The following ARFIP1 variants were observed in gnomAD, a reference collection of about 807,000 sequenced individuals.
ARFIP1 encodes ARF interacting protein 1, also known as arfaptin-1.
In ARFIP1, 24 loss-of-function variants were observed where a neutral mutation model predicts 42.5. The ratio of observed to expected loss-of-function variants is 0.57; its 90% CI spans 0.41 to 0.80. ARFIP1 has a LOEUF of 0.80. ARFIP1 is among the 30% of genes least tolerant of loss of function. The probability of loss-of-function intolerance (pLI) is 0.00; values close to 1 mark genes in which losing one functional copy is unlikely to be tolerated. For synonymous variants in ARFIP1, 141 were observed against 153.7 expected (o/e 0.92, Z 0.61); for missense variants, 354 against 434.0 (o/e 0.82, Z 1.64).
chr4:152,845,391 G>T (rs1001303749), intron 2 of ARFIP1, among the ~76,000 whole-genome samples: 1 of 152,054 alleles, frequency 6.6e-6, no homozygotes. Context: ...CATAGCAAAA[G>T]AAACTACCAA....
intron 1 of ARFIP1, among the ~76,000 whole-genome samples, chr4:152,802,611 A>G (rs1728510969): frequency 7.3e-6 from 1 of 137,230 alleles, no homozygotes; most frequent in Non-Finnish European, 1.7e-5. Context: ...ATTAAAGAGC[A>G]ATGTAAATGT....
chr4:152,818,911 A>G (rs1189137039), intron 1 of ARFIP1, among the ~76,000 whole-genome samples: 1 of 152,086 alleles, frequency 6.6e-6, no homozygotes, highest in Non-Finnish European at 1.5e-5. Context: ...TTCTCCCTGG[A>G]ACATTACCCC....
intron 4 of ARFIP1, among the ~76,000 whole-genome samples, chr4:152,871,938 G>A (rs1346762109): frequency 6.6e-6 from 1 of 151,752 alleles, no homozygotes; most frequent in Admixed American, 6.6e-5. Context: ...TATCTTTAAT[G>A]ACTATTTGAA....
At chr4:152,883,384 A>T (rs571814269) in intron 7 of ARFIP1, 1 of 152,310 alleles carries the variant, frequency 6.6e-6, no homozygotes, top group South Asian at 2.1e-4. Context: ...CACTGCTTCC[A>T]CAATAGCCAG....
intron 7 of ARFIP1, among the ~76,000 whole-genome samples, chr4:152,885,969 A>G (rs917352220): frequency 3.3e-5 from 5 of 151,968 alleles, no homozygotes; most frequent in African/African-American, 7.2e-5. Flanking sequence ...GAAAAACTGG[A>G]GCACAAAGAG....
At chr4:152,842,768 TA>T (rs1732199336) in intron 2 of ARFIP1, among the ~76,000 whole-genome samples, 1 of 152,164 alleles carries the variant, frequency 6.6e-6, no homozygotes, top group South Asian at 2.1e-4. Context: ...CTGAATTTTT[TA>T]TTGTTTTTCC....
Position 152,872,437 on chromosome 4 carries a change from T to C in ARFIP1, c.299-15T>C. The C allele has an allele frequency of 1.3e-6, 2 of 1,536,348 alleles. No individual in the cohort carries two copies. On this transcript the variant is annotated splice_polypyrimidine_tract_variant and intron_variant, in intron 4 of 8. Coordinates refer to ENST00000353617, the MANE Select transcript of ARFIP1 (RefSeq NM_001025595.3). ...CTTCATCTGGATTGTGTTTTTATCT[T>C]TTGTTATCTTGCAGGTGGCCAGAGA...
At chr4:152,801,483 TA>T (rs1390910368) in intron 1 of ARFIP1, among the ~76,000 whole-genome samples, 2 of 152,104 alleles carry the variant, frequency 1.3e-5, no homozygotes, top group Non-Finnish European at 2.9e-5. Context: ...TTCCCTAGAG[TA>T]AATGAATTTC....
chr4:152,844,639 C>T (rs760103835), intron 2 of ARFIP1, among the ~76,000 whole-genome samples: 3 of 151,882 alleles, frequency 2.0e-5, no homozygotes, highest in Non-Finnish European at 4.4e-5. Context: ...ATTTCACCTC[C>T]TTAAAGAAAT....
intron 2 of ARFIP1, among the ~76,000 whole-genome samples, chr4:152,851,966 A>G (rs1230008139): frequency 6.6e-6 from 1 of 152,224 alleles, no homozygotes; most frequent in Non-Finnish European, 1.5e-5. Flanking sequence ...TATTCTTTTA[A>G]AAGTACCTAA....
At chr4:152,901,878 C>G (rs765251108) in intron 8 of ARFIP1, among the ~76,000 whole-genome samples, 4 of 152,108 alleles carry the variant, frequency 2.6e-5, no homozygotes, top group Non-Finnish European at 4.4e-5. Context: ...ATCCTTGTCC[C>G]AAGGATGTTT....
chr4:152,904,198 A>ATATATATATATAT (rs36085096), intron 8 of ARFIP1, among the ~76,000 whole-genome samples: 2 of 126,704 alleles, frequency 1.6e-5, no homozygotes, highest in African/African-American at 6.5e-5. Context: ...ATATATATAT[A>ATATATATATATAT]TTTTTTTTTT....
At chr4:152,806,097 A>T (rs536097901) in intron 1 of ARFIP1, among the ~76,000 whole-genome samples, 77 of 152,032 alleles carry the variant, frequency 5.1e-4, no homozygotes, top group African/African-American at 1.8e-3. Flanking sequence ...GAACAGAAGA[A>T]TTTTTTTTCT....
intron 1 of ARFIP1, among the ~76,000 whole-genome samples, chr4:152,790,650 CTTA>C (rs975031788): frequency 6.8e-6 from 1 of 147,466 alleles, no homozygotes; most frequent in Non-Finnish European, 1.5e-5. Context: ...TAAATTGTTT[CTTA>C]TTATGCATAT....
At chr4:152,858,255 G>A (rs1733602309) in intron 2 of ARFIP1, among the ~76,000 whole-genome samples, 2 of 152,104 alleles carry the variant, frequency 1.3e-5, no homozygotes, top group Non-Finnish European at 2.9e-5. Flanking sequence ...TCACACCACT[G>A]CACTCCAGCC....
chr4:152,804,033 C>T (rs901752772), intron 1 of ARFIP1, among the ~76,000 whole-genome samples: 68 of 121,754 alleles, frequency 5.6e-4, no homozygotes, highest in Admixed American at 2.4e-3. Context: ...TATAATATAA[C>T]GTAATATATA....
At chr4:152,870,536 T>C (rs937848586) in intron 3 of ARFIP1, among the ~76,000 whole-genome samples, 1 of 152,238 alleles carries the variant, frequency 6.6e-6, no homozygotes, top group Admixed American at 6.5e-5. Context: ...ATATTCTGTT[T>C]AGTTTTGATA....
chr4:152,800,353 A>C (rs1226981723), intron 1 of ARFIP1, among the ~76,000 whole-genome samples: 1 of 152,166 alleles, frequency 6.6e-6, no homozygotes, highest in Non-Finnish European at 1.5e-5. Context: ...GTTTAATGCT[A>C]CAATAACCCT....
chr4:152,791,288 G>A (rs114891675), intron 1 of ARFIP1, among the ~76,000 whole-genome samples: 2,562 of 152,100 alleles, frequency 0.017, 34 homozygotes, highest in Non-Finnish European at 0.028. Context: ...AAAATGATTC[G>A]TTTTTCTTCT....
Sources: gnomAD v4.1 joint callset for allele counts (sites outside exome capture counted in the v4.1 genomes callset) on GRCh38, gnomAD v4.1.1 for gene constraint, MANE v1.5 for transcripts, NCBI Gene and HGNC (gene_info 2026-07-23, HGNC 2026-07-21) for gene names.